Variants in CCDC179 observed in about 807,000 individuals in gnomAD.
CCDC179 encodes coiled-coil domain containing 179.
A neutral mutation model predicts 12.0 loss-of-function variants in CCDC179; 17 were observed. The observed-to-expected ratio is 1.42, with a 90% confidence interval of 0.97 to 2.13. The LOEUF (loss-of-function observed/expected upper bound fraction) is 2.13, where lower values mean the gene tolerates loss of function less well. CCDC179 is among the 30% of genes most tolerant of loss of function. The pLI, the probability that CCDC179 is intolerant of heterozygous loss-of-function variation, is 0.00. For missense variants in CCDC179, 83 were observed against 78.6 expected (o/e 1.06, Z -0.21); for synonymous variants, 27 against 26.4 (o/e 1.02, Z -0.07).
intron 3 of CCDC179, among the ~76,000 whole-genome samples, chr11:22,850,575 A>G (rs1230353023): frequency 1.3e-5 from 2 of 148,938 alleles, no homozygotes; most frequent in African/African-American, 5.1e-5. Flanking sequence ...TCTTTTTAAT[A>G]TAACAACTTA....
chr11:22,856,670 A>T (rs10833844), intron 3 of CCDC179, among the ~76,000 whole-genome samples: 1 of 151,284 alleles, frequency 6.6e-6, no homozygotes, highest in African/African-American at 2.4e-5. Flanking sequence ...AGTAAGACAA[A>T]AAAAGGAAAT....
chr11:22,858,715 C>T lies in CCDC179; in HGVS notation c.91-689G>A, dbSNP rs77313535. ...TTTCCTATGATTCAACCATTACACT[C>T]CTGCCTAAATAATCAAATGGCATTC... On this transcript the variant is annotated intron_variant, in intron 2 of 3. Transcript: ENST00000532798. Among the ~76,000 whole-genome samples the T allele has an allele frequency of 5.4e-3, 818 of 152,098 alleles. 12 individuals carry two copies. The highest frequency in any genetic ancestry group is 0.034 in the East Asian group (178 of 5,166).
chr11:22,853,350 A>C (rs1394158913), intron 3 of CCDC179, among the ~76,000 whole-genome samples: 4 of 152,208 alleles, frequency 2.6e-5, no homozygotes, highest in Non-Finnish European at 5.9e-5. Flanking sequence ...TATGACAAAT[A>C]TGCTAAGTTC....
rs1446884845 is a variant in CCDC179 at position 22,860,430 on chromosome 11, GCCTTAGGGCGCCC to G, written c.-22_-10del. ...CAGCAATACAGGCACATGCCGTGGA[GCCTTAGGGCGCCC>G]CCTGACGCCTACTGCCTGTCCTGGA... On this transcript the variant is annotated 5_prime_UTR_variant, in exon 1 of 4. Coordinates refer to ENST00000532798, the MANE Select transcript of CCDC179 (RefSeq NM_001195637.2). 7.2e-6 allele frequency: 11 copies of G among 1,534,142 alleles called. No individual in the cohort carries two copies. The highest frequency in any genetic ancestry group is 9.6e-6 in the Non-Finnish European group (11 of 1,146,012).
chr11:22,847,780 C>T (rs1250880176), intron 3 of CCDC179, among the ~76,000 whole-genome samples: 1 of 152,034 alleles, frequency 6.6e-6, no homozygotes, highest in African/African-American at 2.4e-5. Flanking sequence ...TAAAACAATT[C>T]TCTATAAGTC....
intron 3 of CCDC179, among the ~76,000 whole-genome samples, chr11:22,854,567 TAAAG>T (rs1321987538): frequency 6.6e-6 from 1 of 151,576 alleles, no homozygotes; most frequent in Non-Finnish European, 1.5e-5. Context: ...AAAAATAAAA[TAAAG>T]CAAGTATAAT....
chr11:22,850,939 G>GATATATAT (rs1564914940), intron 3 of CCDC179, among the ~76,000 whole-genome samples: 5 of 55,704 alleles, frequency 9.0e-5, no homozygotes, highest in African/African-American at 1.4e-4. Flanking sequence ...TGTTGCATAG[G>GATATATAT]CTATATATAT....
chr11:22,847,814 A>T (rs1305523423), intron 3 of CCDC179, among the ~76,000 whole-genome samples: 2 of 152,166 alleles, frequency 1.3e-5, no homozygotes, highest in Non-Finnish European at 2.9e-5. Context: ...CGCAAGCAGA[A>T]AGAATTTGTA....
Position 22,847,486 on chromosome 11 carries a change from T to A in CCDC179, c.*24A>T. 2.1e-6 allele frequency: 3 copies of A among 1,419,086 alleles called. No individual in the cohort carries two copies. The highest frequency in any genetic ancestry group is 1.9e-6 in the Non-Finnish European group (2 of 1,066,828). The allele number at this position is 1,419,086 out of a possible 1,614,324, so 87.9% of individuals were successfully genotyped here. On this transcript the variant is annotated 3_prime_UTR_variant, in exon 4 of 4. Coordinates refer to ENST00000532798, the MANE Select transcript of CCDC179 (RefSeq NM_001195637.2). The stretch of plus-strand genomic sequence containing the variant: ...ACATATTTCTGTCTGGAGCATGGTT[T>A]CCTTCAAATAGACTCCTGCTTTATC...
At chr11:22,859,580 G>T in intron 1 of CCDC179, 84 bp from the exon 2 acceptor site, 2 of 740,366 alleles carry the variant, frequency 2.7e-6, no homozygotes, top group African/African-American at 1.8e-5. Flanking sequence ...GGAAGCCTAT[G>T]CTACTTTTAA....
At chr11:22,858,147 C>T (rs1014505111) in intron 2 of CCDC179, 121 bp from the exon 3 acceptor site, 16 of 553,034 alleles carry the variant, frequency 2.9e-5, no homozygotes, top group Non-Finnish European at 4.3e-5. Flanking sequence ...GCAAACGGTT[C>T]ACATAACTAC....
chr11:22,854,064 A>C (rs1300884548), intron 3 of CCDC179, among the ~76,000 whole-genome samples: 2 of 151,926 alleles, frequency 1.3e-5, no homozygotes, highest in Non-Finnish European at 2.9e-5. Context: ...GTGTTCAAAG[A>C]AAAAGAGCAG....
intron 3 of CCDC179, among the ~76,000 whole-genome samples, chr11:22,851,606 A>G (rs1371119190): frequency 1.3e-5 from 2 of 152,200 alleles, no homozygotes; most frequent in Non-Finnish European, 2.9e-5. Context: ...AAGCAGAACA[A>G]TCTGAAAAGC....
At chr11:22,859,236 T>C (rs1858606607) in intron 2 of CCDC179, among the ~76,000 whole-genome samples, 1 of 152,308 alleles carries the variant, frequency 6.6e-6, no homozygotes, top group Admixed American at 6.5e-5. Flanking sequence ...TTTTTGTATA[T>C]GTGTCAAATG....
chr11:22,849,661 C>T (rs1858323644), intron 3 of CCDC179, among the ~76,000 whole-genome samples: 1 of 152,146 alleles, frequency 6.6e-6, no homozygotes, highest in Non-Finnish European at 1.5e-5. Context: ...TTAGCCCTCA[C>T]TTTCCTCCCT....
intron 3 of CCDC179, among the ~76,000 whole-genome samples, chr11:22,849,048 A>G (rs921303917): frequency 1.3e-5 from 2 of 152,236 alleles, no homozygotes; most frequent in Admixed American, 6.5e-5. Flanking sequence ...GGGAGATACT[A>G]TACATCTTGG....
intron 3 of CCDC179, among the ~76,000 whole-genome samples, chr11:22,850,967 TATATA>T (rs1469266228): frequency 1.2e-3 from 30 of 24,882 alleles, no homozygotes; most frequent in South Asian, 4.3e-3. Context: ...TATATATATA[TATATA>T]TATATTTTTT....
chr11:22,857,512 G>A (rs540313424), intron 3 of CCDC179, among the ~76,000 whole-genome samples: 6 of 151,574 alleles, frequency 4.0e-5, no homozygotes, highest in Non-Finnish European at 8.9e-5. Flanking sequence ...ACATTAACTC[G>A]CTATGGATCA....
Position 22,860,402 on chromosome 11 carries a change from T to C in CCDC179, c.20A>G (p.Asp7Gly). The C allele has an allele frequency of 6.5e-7, 1 of 1,535,600 alleles. No homozygotes were observed. The highest frequency in any genetic ancestry group is 8.7e-7 in the Non-Finnish European group (1 of 1,146,662). The stretch of plus-strand genomic sequence containing the variant: ...AGGGTTGACTTGGGAAGGCTCGATG[T>C]CCCAGCAATACAGGCACATGCCGTG... MCLYCW[D>G]IEPSQVNPEG... Residue 7 changes from aspartate (D) to glycine (G), a missense_variant, in exon 1 of 4, where the codon GAC becomes GGC. By Grantham distance (94) the Asp-to-Gly change is moderately conservative (BLOSUM62 -1). Transcript: ENST00000532798.
Sources: gnomAD v4.1 joint callset for allele counts (sites outside exome capture counted in the v4.1 genomes callset) on GRCh38, gnomAD v4.1.1 for gene constraint, MANE v1.5 for transcripts, NCBI Gene and HGNC (gene_info 2026-07-23, HGNC 2026-07-21) for gene names.